MS4A8: variants seen among roughly 807,000 people sequenced by gnomAD.
MS4A8 encodes membrane spanning 4-domains A8, also known as membrane-spanning 4-domains subfamily A member 8.
In MS4A8, 27 loss-of-function variants were observed where a neutral mutation model predicts 23.7. The observed-to-expected ratio is 1.14, with a 90% CI of 0.84 to 1.57. The LOEUF is 1.57. MS4A8 is among the 40% of genes most tolerant of loss of function. The pLI is 0.00. For missense variants in MS4A8, 301 were observed against 311.4 expected (o/e 0.97, Z 0.25); for synonymous variants, 138 against 126.3 (o/e 1.09, Z -0.62).
At chr11:60,701,366 C>A (rs550043395) in intron 2 of MS4A8, 1 of 538,710 alleles carries the variant, frequency 1.9e-6, no homozygotes, top group South Asian at 1.5e-5. Context: ...ACGCCCAGCC[C>A]TGTGGCCTCT....
chr11:60,710,968 A>G (rs999452846), intron 5 of MS4A8, among the ~76,000 whole-genome samples: 9 of 151,780 alleles, frequency 5.9e-5, no homozygotes, highest in African/African-American at 2.2e-4. Flanking sequence ...ATCTGCAACC[A>G]CCTTCCCAAT....
chr11:60,712,992 G>T (rs546292085), intron 5 of MS4A8, among the ~76,000 whole-genome samples: 2 of 152,070 alleles, frequency 1.3e-5, no homozygotes, highest in African/African-American at 4.8e-5. Flanking sequence ...GTATTCTTGG[G>T]TAACAGCAAA....
At chr11:60,708,590 CCATT>C in intron 4 of MS4A8, 56 bp from the exon 5 acceptor site, 1 of 1,462,328 alleles carries the variant, frequency 6.8e-7, no homozygotes, top group East Asian at 2.4e-5. Flanking sequence ...TGTTGGGTCT[CCATT>C]CATCTCAGCT....
chr11:60,715,068 G>A lies in MS4A8; in HGVS notation c.582G>A (p.Leu194=). 3 of 1,614,152 alleles carry A rather than the reference G, an allele frequency of 1.9e-6. No homozygotes were observed. The highest frequency in any genetic ancestry group is 2.5e-6 in the Non-Finnish European group (3 of 1,180,034). ...GCGTGCTGCTGGTCTTCTGCCTCCT[G>A]GAGTTTGGCATCGCATGCGCATCTT... ...ISGVLLVFCL[L]EFGIACASSH... The change falls in exon 6 of 7, where the codon CTG becomes CTA. Residue 194 remains leucine, a synonymous_variant. Coordinates refer to ENST00000300226, the MANE Select transcript of MS4A8 (RefSeq NM_031457.2).
chr11:60,707,589 G>A (rs1420533756), intron 4 of MS4A8, among the ~76,000 whole-genome samples: 4 of 152,154 alleles, frequency 2.6e-5, no homozygotes, highest in African/African-American at 4.8e-5. Context: ...ATCAGGTTAC[G>A]AAGGGTAAAG....
chr11:60,709,058 C>A (rs1565053022), intron 5 of MS4A8: 2 of 370,282 alleles, frequency 5.4e-6, no homozygotes, highest in Non-Finnish European at 5.1e-6. Flanking sequence ...TGCCCACCAA[C>A]CAGCACCTCT....
chr11:60,713,642 G>C, intron 5 of MS4A8, among the ~76,000 whole-genome samples: 1 of 151,914 alleles, frequency 6.6e-6, no homozygotes, highest in East Asian at 1.9e-4. Context: ...GCAGGAGACA[G>C]AAGCTTTCCT....
At chr11:60,711,586 C>G (rs576636595) in intron 5 of MS4A8, among the ~76,000 whole-genome samples, 4 of 152,296 alleles carry the variant, frequency 2.6e-5, no homozygotes, top group Admixed American at 6.5e-5. Context: ...CCAGCTACTC[C>G]CGTCCACTGC....
intron 5 of MS4A8, among the ~76,000 whole-genome samples, chr11:60,709,992 C>T (rs370676845): frequency 2.0e-4 from 31 of 152,202 alleles, no homozygotes; most frequent in African/African-American, 6.7e-4. Context: ...GACTTTCAGC[C>T]TCACTTCCCT....
At chr11:60,710,900 T>G (rs2088295084) in intron 5 of MS4A8, among the ~76,000 whole-genome samples, 1 of 152,192 alleles carries the variant, frequency 6.6e-6, no homozygotes, top group African/African-American at 2.4e-5. Context: ...TGGGGAACTC[T>G]TCCCTCAGAT....
At chr11:60,709,811 C>T (rs1358911544) in intron 5 of MS4A8, among the ~76,000 whole-genome samples, 1 of 152,226 alleles carries the variant, frequency 6.6e-6, no homozygotes, top group African/African-American at 2.4e-5. Flanking sequence ...ATTAAGCATG[C>T]TTTTGTTTCT....
intron 3 of MS4A8, among the ~76,000 whole-genome samples, chr11:60,704,573 G>A (rs2088236746): frequency 6.6e-6 from 1 of 152,172 alleles, no homozygotes; most frequent in Non-Finnish European, 1.5e-5. Context: ...CCCAGCTGTA[G>A]AACAGCAAGG....
chr11:60,704,883 T>TACAC (rs142872210), intron 3 of MS4A8, among the ~76,000 whole-genome samples: 4 of 142,216 alleles, frequency 2.8e-5, no homozygotes, highest in African/African-American at 8.0e-5. Context: ...CACACACACA[T>TACAC]ACACACACAC....
chr11:60,703,618 G>T (rs2088226273), intron 3 of MS4A8, 118 bp downstream of exon 3: 24 of 1,258,204 alleles, frequency 1.9e-5, no homozygotes, highest in Non-Finnish European at 2.5e-5. Context: ...CCAAATGTGG[G>T]GGATAGGAAA....
At position 60,703,485 on chromosome 11, in the gene MS4A8, C is replaced by T; in HGVS notation, c.327C>T (p.Phe109=). The part of the protein sequence containing the change: ...LSISFYGGFP[F]WGGLWFIISG... ...TTTCATTCTACGGAGGCTTTCCCTT[C>T]TGGGGAGGCTTGTGGGTGAGTAACT... The change falls in exon 3 of 7, where the codon TTC becomes TTT. Residue 109 remains phenylalanine, a synonymous_variant. Transcript: ENST00000300226. 1 of 1,607,644 alleles carries T rather than the reference C, an allele frequency of 6.2e-7. No homozygotes were observed. Among genetic ancestry groups the T allele is most frequent in the Non-Finnish European group, 8.5e-7 (1 of 1,177,498 alleles).
At chr11:60,701,124 G>C (rs755309948) in intron 2 of MS4A8, 45 bp downstream of exon 2, 8 of 1,560,498 alleles carry the variant, frequency 5.1e-6, no homozygotes, top group African/African-American at 1.4e-5. Flanking sequence ...CACAGCTGGA[G>C]TGATGGCAGG....
At chr11:60,708,119 A>G (rs1480103261) in intron 4 of MS4A8, among the ~76,000 whole-genome samples, 1 of 152,154 alleles carries the variant, frequency 6.6e-6, no homozygotes, top group Non-Finnish European at 1.5e-5. Context: ...AAGTGCTGGG[A>G]TTACAGATGT....
intron 2 of MS4A8, 109 bp from the exon 3 acceptor site, chr11:60,703,269 A>G: frequency 7.9e-7 from 1 of 1,258,962 alleles, no homozygotes; most frequent in Non-Finnish European, 1.0e-6. Flanking sequence ...TTCCCATATT[A>G]CTTTTTAGAC....
intron 4 of MS4A8, 129 bp from the exon 5 acceptor site, chr11:60,708,521 A>T: frequency 2.1e-6 from 2 of 930,582 alleles, no homozygotes; most frequent in Non-Finnish European, 1.5e-6. Flanking sequence ...TAGGATGTTA[A>T]ATTTTATGTT....
Sources: allele counts gnomAD v4.1 joint callset (sites outside exome capture counted in the v4.1 genomes callset), GRCh38; gene constraint gnomAD v4.1.1; transcripts MANE v1.5; gene names NCBI Gene and HGNC (gene_info 2026-07-23, HGNC 2026-07-21).